Variants in ME1 observed in about 807,000 individuals in gnomAD.
The protein encoded by ME1 is NADP-dependent malic enzyme.
In ME1, 74 loss-of-function variants were observed where a neutral mutation model predicts 66.4. That is an observed-to-expected ratio of 1.11 (90% CI 0.92 to 1.35). ME1 has a LOEUF of 1.35. ME1 is among the 40% of genes most tolerant of loss of function. The pLI is 0.00. For missense variants in ME1, 750 were observed against 694.1 expected (o/e 1.08, Z -0.90); for synonymous variants, 251 against 235.6 (o/e 1.07, Z -0.60).
At chr6:83,406,129 G>A (rs1426097675) in intron 2 of ME1, among the ~76,000 whole-genome samples, 11 of 152,196 alleles carry the variant, frequency 7.2e-5, no homozygotes, top group Non-Finnish European at 1.6e-4. Flanking sequence ...GATGGATTAC[G>A]TTTATTGATT....
chr6:83,331,997 G>A (rs1003555413), intron 5 of ME1, among the ~76,000 whole-genome samples: 1 of 151,818 alleles, frequency 6.6e-6, no homozygotes, highest in Admixed American at 6.6e-5. Flanking sequence ...GAAAAGATTT[G>A]GCAACAGCAA....
intron 6 of ME1, among the ~76,000 whole-genome samples, chr6:83,264,011 G>A (rs1766945340): frequency 3.3e-5 from 5 of 152,148 alleles, no homozygotes; most frequent in Admixed American, 2.6e-4. Flanking sequence ...TAGCTAGAAA[G>A]GAGAAGTCAA....
rs1482687856 is a variant in ME1, at chr6:83,325,885, C to CA, written c.601-10473dup. Among the ~76,000 whole-genome samples the CA allele has an allele frequency of 1.0e-4, 13 of 128,184 alleles. No homozygotes were observed. The South Asian group carries it at 2.8e-3, about 28-fold the overall frequency. The allele number at this position is 128,184 out of a possible 152,430, so 84.1% of individuals were successfully genotyped here. A position where few individuals can be genotyped will look rare whatever the true frequency, so the allele number is the denominator to read the frequency against. On this transcript the variant is annotated intron_variant, in intron 5 of 13. Coordinates refer to ENST00000369705, the MANE Select transcript of ME1 (RefSeq NM_002395.6). ...AACTACTTTAAATTTCATATGGAACCAAAAAAGAGCCCATATAGCCCAGAC... is the reference window on the plus strand; with the variant it reads ...AACTACTTTAAATTTCATATGGAACCAAAAAAAGAGCCCATATAGCCCAGAC...
chr6:83,316,171 T>C (rs1483706567), intron 5 of ME1, among the ~76,000 whole-genome samples: 1 of 152,208 alleles, frequency 6.6e-6, no homozygotes, highest in East Asian at 1.9e-4. Flanking sequence ...TTACCTTTAC[T>C]ATGATAGTTA....
chr6:83,426,049 C>T (rs1009949725), intron 1 of ME1, among the ~76,000 whole-genome samples: 16 of 152,150 alleles, frequency 1.1e-4, no homozygotes, highest in African/African-American at 3.4e-4. Context: ...TCTCTTGCTC[C>T]TTCTCACCCT....
chr6:83,346,382 G>C (rs1032721703), intron 4 of ME1, 48 bp from the exon 5 acceptor site: 2 of 1,373,786 alleles, frequency 1.5e-6, no homozygotes, highest in South Asian at 1.6e-5. Context: ...CACAAATCCT[G>C]AGACACAATT....
intron 1 of ME1, among the ~76,000 whole-genome samples, chr6:83,410,870 C>A (rs1346349402): frequency 6.6e-6 from 1 of 152,156 alleles, no homozygotes; most frequent in Admixed American, 6.5e-5. Flanking sequence ...TCTAACGATT[C>A]TCCATATCTT....
intron 7 of ME1, among the ~76,000 whole-genome samples, chr6:83,248,083 G>A (rs534268794): frequency 3.9e-5 from 6 of 152,092 alleles, no homozygotes; most frequent in East Asian, 1.9e-4. Flanking sequence ...CTGTGCCCCC[G>A]CCTTTAATTC....
chr6:83,245,593 A>C (rs914542997), intron 7 of ME1, among the ~76,000 whole-genome samples: 5 of 152,092 alleles, frequency 3.3e-5, no homozygotes, highest in African/African-American at 9.7e-5. Context: ...TTTCTAGTAG[A>C]GACGGGGTTT....
In ME1 at chr6:83,315,393, GAGTGGATCTTTA is replaced by G; in HGVS notation, c.609_620del (p.Lys204_Leu207del). On this transcript the variant is annotated inframe_deletion, in exon 6 of 14. Coordinates refer to ENST00000369705, the MANE Select transcript of ME1 (RefSeq NM_002395.6). Reference sequence around the variant, plus strand: ...CTCTTCTCTGCCGTAGTCCAATGTAGAGTGGATCTTTAAGTAACTCCTATTAAAAAAAGTTAC... The same window carrying G: ...CTCTTCTCTGCCGTAGTCCAATGTAGAGTAACTCCTATTAAAAAAAGTTAC... 1.2e-6 allele frequency: 2 copies of G among 1,600,802 alleles called. No homozygotes were observed. The highest frequency in any genetic ancestry group is 1.7e-6 in the Non-Finnish European group (2 of 1,173,824).
At chr6:83,398,061 G>C (rs1229899617) in intron 3 of ME1, among the ~76,000 whole-genome samples, 1 of 152,066 alleles carries the variant, frequency 6.6e-6, no homozygotes, top group Non-Finnish European at 1.5e-5. Context: ...ATGAGTTCAA[G>C]ACATCTATTG....
At chr6:83,422,197 T>C (rs1770281552) in intron 1 of ME1, among the ~76,000 whole-genome samples, 1 of 152,186 alleles carries the variant, frequency 6.6e-6, no homozygotes, top group Admixed American at 6.5e-5. Context: ...AAGTAAACTA[T>C]AGCATAGACT....
intron 6 of ME1, among the ~76,000 whole-genome samples, chr6:83,261,886 C>T (rs1361101081): frequency 6.6e-5 from 10 of 151,500 alleles, no homozygotes; most frequent in South Asian, 2.1e-4. Flanking sequence ...TGGTGGCAGG[C>T]GCTTGTAATC....
intron 1 of ME1, among the ~76,000 whole-genome samples, chr6:83,427,126 G>A (rs999420455): frequency 1.3e-5 from 2 of 151,892 alleles, no homozygotes; most frequent in African/African-American, 4.8e-5. Flanking sequence ...ATATAAAACC[G>A]GCAAAGATAA....
chr6:83,419,921 G>A (rs1008303163), intron 1 of ME1, among the ~76,000 whole-genome samples: 25 of 152,144 alleles, frequency 1.6e-4, no homozygotes, highest in Admixed American at 1.4e-3. Flanking sequence ...GTGACCATAT[G>A]ACAGAGTACT....
chr6:83,325,096 A>C (rs1229942896), intron 5 of ME1, among the ~76,000 whole-genome samples: 2 of 152,254 alleles, frequency 1.3e-5, no homozygotes, highest in Non-Finnish European at 2.9e-5. Context: ...TCACATAAAC[A>C]GAACCAATAA....
At chr6:83,402,080 G>C (rs1253770024) in intron 2 of ME1, among the ~76,000 whole-genome samples, 1 of 152,180 alleles carries the variant, frequency 6.6e-6, no homozygotes, top group Non-Finnish European at 1.5e-5. Flanking sequence ...CGAAGTGTGG[G>C]GAATGAGCAC....
intron 3 of ME1, among the ~76,000 whole-genome samples, chr6:83,356,527 G>A (rs185590542): frequency 2.6e-5 from 4 of 152,234 alleles, no homozygotes; most frequent in African/African-American, 9.6e-5. Flanking sequence ...GGGGAAAGAA[G>A]AGAAGGCCAA....
chr6:83,223,796 C>T lies in ME1; in HGVS notation c.1413G>A (p.Arg471=), dbSNP rs771683805. Residue 471 remains arginine, a synonymous_variant, in exon 12 of 14, where the codon AGG becomes AGA. Transcript: ENST00000369705. ...VALGVVACGL[R]QITDNIFLTT... Reference sequence around the variant, plus strand: ...TGAGGAAAATATTATCTGTGATCTGCCTCAATCCACACGCCACAACACCAA... The same window carrying T: ...TGAGGAAAATATTATCTGTGATCTGTCTCAATCCACACGCCACAACACCAA... 2 of 1,613,834 alleles carry T rather than the reference C, an allele frequency of 1.2e-6. No individual in the cohort carries two copies. The highest frequency in any genetic ancestry group is 1.7e-6 in the Non-Finnish European group (2 of 1,179,820).
Sources: allele counts gnomAD v4.1 joint callset (sites outside exome capture counted in the v4.1 genomes callset), GRCh38; gene constraint gnomAD v4.1.1; transcripts MANE v1.5; gene names NCBI Gene and HGNC (gene_info 2026-07-23, HGNC 2026-07-21).